Variants in FKBP14 observed in about 807,000 individuals in gnomAD.
FKBP14 encodes peptidyl-prolyl cis-trans isomerase FKBP14.
FKBP14 carries 20 observed loss-of-function variants against 21.6 expected under a neutral mutation model. That is an observed-to-expected ratio of 0.92 (90% CI 0.65 to 1.34). The LOEUF is 1.34. Among genes scored for constraint, FKBP14 ranks in the 40% most tolerant of loss-of-function variants. FKBP14 has a pLI of 0.00. For synonymous variants in FKBP14, 79 were observed against 86.7 expected (o/e 0.91, Z 0.49); for missense variants, 253 against 249.0 (o/e 1.02, Z -0.11).
intron 1 of FKBP14, 35 bp from the exon 2 acceptor site, chr7:30,022,851 T>C (rs1790073298): frequency 1.3e-6 from 2 of 1,577,604 alleles, no homozygotes; most frequent in Middle Eastern, 1.7e-4. Context: ...GAACTCCTTA[T>C]TAACTCTAAA....
At chr7:30,019,189 G>A in intron 2 of FKBP14, 66 bp from the exon 3 acceptor site, 2 of 1,484,180 alleles carry the variant, frequency 1.3e-6, no homozygotes, top group Non-Finnish European at 1.8e-6. Flanking sequence ...GAAAATTTAT[G>A]GTAATGGACA....
chr7:30,016,580 G>A (rs1007889027), intron 3 of FKBP14, among the ~76,000 whole-genome samples: 1 of 151,842 alleles, frequency 6.6e-6, no homozygotes, highest in Non-Finnish European at 1.5e-5. Context: ...TTTTAGTAGA[G>A]ACAGGGTTTC....
chr7:30,011,575 GTATATATATATATATAGTATA>G lies in FKBP14; in HGVS notation c.*3139_*3159del, dbSNP rs1417520648. The G allele has an allele frequency of 1.6e-5, 2 of 123,362 alleles. No individual in the cohort carries two copies. Among genetic ancestry groups the G allele is most frequent in the Non-Finnish European group, 3.3e-5 (2 of 60,844 alleles). The allele number at this position is 123,362 out of a possible 1,614,324, so 7.6% of individuals were successfully genotyped here. The stretch of plus-strand genomic sequence containing the variant: ...TATATATATATATACCATATATATG[GTATATATATATATATAGTATA>G]TATATATATATATATTTTTTTTTTT... On this transcript the variant is annotated 3_prime_UTR_variant, in exon 4 of 4. Coordinates refer to ENST00000222803, the MANE Select transcript of FKBP14 (RefSeq NM_017946.4).
rs893146592 is a variant in FKBP14, at chr7:30,012,297, G to T, written c.*2438C>A. 15 of 152,206 alleles carry T rather than the reference G, an allele frequency of 9.9e-5. No homozygotes were observed. Among genetic ancestry groups the T allele is most frequent in the Admixed American group, 9.8e-4 (15 of 15,288 alleles). The allele number at this position is 152,206 out of a possible 1,614,324, so 9.4% of individuals were successfully genotyped here. A position where few individuals can be genotyped will look rare whatever the true frequency, so the allele number is the denominator to read the frequency against. On this transcript the variant is annotated 3_prime_UTR_variant, in exon 4 of 4. Transcript: ENST00000222803. ...TACTTGTGTCCAAATGTTTAGATGA[G>T]AACTGATACAAATTCACAGGTTTTT...
Position 30,022,778 on chromosome 7 carries a change from A to C in FKBP14, c.236T>G (p.Leu79Arg). Reference sequence around the variant, plus strand: ...ACCTTTGAGAGCCTCCAGGATGCCCAGGGTAAACCAAATGGGCTGACCATT... The same window carrying C: ...ACCTTTGAGAGCCTCCAGGATGCCCCGGGTAAACCAAATGGGCTGACCATT... ...HNNGQPIWFT[L>R]GILEALKGWD... The change falls in exon 2 of 4, where the codon CTG (leucine) becomes CGG (arginine). Residue 79 changes from leucine (L) to arginine (R), a missense_variant. Leu to Arg is a moderately radical substitution (Grantham distance 102). Coordinates refer to ENST00000222803, the MANE Select transcript of FKBP14 (RefSeq NM_017946.4). 3 of 1,614,178 alleles carry C rather than the reference A, an allele frequency of 1.9e-6. No homozygotes were observed. In the South Asian group the frequency reaches 3.3e-5, roughly 18 times the overall value.
intron 3 of FKBP14, 73 bp from the exon 4 acceptor site, chr7:30,014,966 C>T: frequency 2.1e-6 from 2 of 961,954 alleles, no homozygotes; most frequent in Non-Finnish European, 3.0e-6. Flanking sequence ...ATATCACAGA[C>T]ATGGACTGTT....
At chr7:30,021,528 T>C (rs186746461) in intron 2 of FKBP14, among the ~76,000 whole-genome samples, 1 of 152,230 alleles carries the variant, frequency 6.6e-6, no homozygotes, top group African/African-American at 2.4e-5. Context: ...GAAGGAATTA[T>C]AGAATAAATG....
In FKBP14 at chr7:30,012,447, A is replaced by G. The variant is rs575477692; in HGVS notation, c.*2288T>C. The G allele has an allele frequency of 5.3e-4, 80 of 152,372 alleles. No individual in the cohort carries two copies. The highest frequency in any genetic ancestry group is 1.9e-3 in the African/African-American group (79 of 41,594). The allele number at this position is 152,372 out of a possible 1,614,324, so 9.4% of individuals were successfully genotyped here. A position where few individuals can be genotyped will look rare whatever the true frequency, so the allele number is the denominator to read the frequency against. ...ACTTTCCCTTCTCCCATCATAGAGT[A>G]TAAGGCTGTCTGTATTATGGCTTAA... On this transcript the variant is annotated 3_prime_UTR_variant, in exon 4 of 4. Coordinates refer to ENST00000222803, the MANE Select transcript of FKBP14 (RefSeq NM_017946.4).
downstream of FKBP14, among the ~76,000 whole-genome samples, chr7:30,007,591 G>A (rs188592286): frequency 6.6e-6 from 1 of 152,270 alleles, no homozygotes; most frequent in East Asian, 1.9e-4. Flanking sequence ...GGCACAATTA[G>A]TTGCCCCAAT....
chr7:30,021,116 T>TC (rs1297473043), intron 2 of FKBP14, among the ~76,000 whole-genome samples: 1 of 152,228 alleles, frequency 6.6e-6, no homozygotes, highest in Non-Finnish European at 1.5e-5. Flanking sequence ...AACTTTTTTT[T>TC]CTTCATTATG....
rs542744202 is a variant in FKBP14 at position 30,011,608 on chromosome 7, A to G, written c.*3127T>C. 3 of 134,260 alleles carry G rather than the reference A, an allele frequency of 2.2e-5. No individual in the cohort carries two copies. The highest frequency in any genetic ancestry group is 4.7e-5 in the Non-Finnish European group (3 of 63,622). 8.3% of individuals were successfully genotyped at this position (134,260 alleles called of 1,614,324 possible). The stretch of plus-strand genomic sequence containing the variant: ...ATATATATAGTATATATATATATAT[A>G]TATTTTTTTTTTTAGATGGGGAGTC... On this transcript the variant is annotated 3_prime_UTR_variant, in exon 4 of 4. Coordinates refer to ENST00000222803, the MANE Select transcript of FKBP14 (RefSeq NM_017946.4).
rs1209830942 is a variant in FKBP14, at chr7:30,014,581, A to C, written c.*154T>G. The C allele has an allele frequency of 9.0e-6, 4 of 446,324 alleles. No individual in the cohort carries two copies. The highest frequency in any genetic ancestry group is 4.4e-5 in the Admixed American group (1 of 22,698). The allele number at this position is 446,324 out of a possible 1,614,324, so 27.6% of individuals were successfully genotyped here. The stretch of plus-strand genomic sequence containing the variant: ...ACTTATCAGAAAGAAATGGGTACTT[A>C]GAAACCTAAGGGGTTCTTTAAATAG... On this transcript the variant is annotated 3_prime_UTR_variant, in exon 4 of 4. Transcript: ENST00000222803.
In FKBP14 at chr7:30,012,258, A is replaced by T. The variant is rs1335309482; in HGVS notation, c.*2477T>A. ...AACTTAAAAACCATAACTTGTGCATATGTTTTCATTTTATACTTGTGTCCA... is the reference window on the plus strand; with the variant it reads ...AACTTAAAAACCATAACTTGTGCATTTGTTTTCATTTTATACTTGTGTCCA... On this transcript the variant is annotated 3_prime_UTR_variant, in exon 4 of 4. Coordinates refer to ENST00000222803, the MANE Select transcript of FKBP14 (RefSeq NM_017946.4). 2 of 152,250 alleles carry T rather than the reference A, an allele frequency of 1.3e-5. No individual in the cohort carries two copies. Among genetic ancestry groups the T allele is most frequent in the Non-Finnish European group, 2.9e-5 (2 of 68,034 alleles). The allele number at this position is 152,250 out of a possible 1,614,324, so 9.4% of individuals were successfully genotyped here. A position where few individuals can be genotyped will look rare whatever the true frequency, so the allele number is the denominator to read the frequency against.
At chr7:30,025,771 A>C (rs1044762430) in intron 1 of FKBP14, 3 of 152,296 alleles carry the variant, frequency 2.0e-5, no homozygotes, top group African/African-American at 7.2e-5. Context: ...GAAGCAAATG[A>C]CTGAAATCAT....
chr7:30,026,459 A>G lies in FKBP14; in HGVS notation c.50T>C (p.Leu17Ser), dbSNP rs1554371125. 1.9e-6 allele frequency: 3 copies of G among 1,613,306 alleles called. No individual in the cohort carries two copies. The highest frequency in any genetic ancestry group is 1.7e-6 in the Non-Finnish European group (2 of 1,179,928). ...TGGTTCAGGGATCAAAGCCCCAATC[A>G]AAGAAGTGACGAACAGAGTCAAGAC... ...NAVLTLFVTS[L>S]IGALIPEPEV... is the part of the protein sequence containing the mutation. The change falls in exon 1 of 4, where the codon TTG becomes TCG. Residue 17 changes from leucine to serine, a missense_variant. Coordinates refer to ENST00000222803, the MANE Select transcript of FKBP14 (RefSeq NM_017946.4).
chr7:30,022,795 C>T lies in FKBP14; in HGVS notation c.219G>A (p.Gln73=), dbSNP rs756538063. 1 of 1,613,828 alleles carries T rather than the reference C, an allele frequency of 6.2e-7. No homozygotes were observed. The highest frequency in any genetic ancestry group is 8.5e-7 in the Non-Finnish European group (1 of 1,179,926). Residue 73 remains glutamine, a synonymous_variant, in exon 2 of 4, where the codon CAG becomes CAA. Transcript: ENST00000222803. ...GGATGCCCAGGGTAAACCAAATGGG[C>T]TGACCATTGTTATGTTTGTGACTAT... ...FHSTHKHNNG[Q]PIWFTLGILE... is the part of the protein sequence containing the mutation.
chr7:30,019,069 C>T lies in FKBP14; in HGVS notation c.404G>A (p.Arg135Gln), dbSNP rs747727076. The change falls in exon 3 of 4, where the codon CGA (arginine) becomes CAA (glutamine). Residue 135 changes from arginine (R) to glutamine (Q), a missense_variant. Physicochemically the swap from Arg to Gln is conservative, Grantham distance 43 (BLOSUM62 1). Transcript: ENST00000222803. ...TGATTCATGGGATCTTGGTCCATTT[C>T]GAATCTCCAGGAGATCAATATTAAA... ...LIFNIDLLEI[R>Q]NGPRSHESFQ... The T allele has an allele frequency of 1.1e-5, 18 of 1,595,650 alleles. No individual in the cohort carries two copies. Among genetic ancestry groups the T allele is most frequent in the South Asian group, 2.3e-5 (2 of 87,250 alleles).
At chr7:30,021,793 G>A (rs1474382749) in intron 2 of FKBP14, among the ~76,000 whole-genome samples, 1 of 152,176 alleles carries the variant, frequency 6.6e-6, no homozygotes, top group Non-Finnish European at 1.5e-5. Context: ...GACCTCAAGT[G>A]ATCCACCCTC....
chr7:30,013,906 C>G lies in FKBP14; in HGVS notation c.*829G>C, dbSNP rs1789811642. 2.0e-5 allele frequency: 3 copies of G among 152,070 alleles called. No individual in the cohort carries two copies. The highest frequency in any genetic ancestry group is 6.6e-5 in the Admixed American group (1 of 15,256). The allele number at this position is 152,070 out of a possible 1,614,324, so 9.4% of individuals were successfully genotyped here. On this transcript the variant is annotated 3_prime_UTR_variant, in exon 4 of 4. Coordinates refer to ENST00000222803, the MANE Select transcript of FKBP14 (RefSeq NM_017946.4). Reference sequence around the variant, plus strand: ...CGTGTTTCTTTTCTTTTTTTCGAGACAGAGTGTCCAGGCTGGAGGTGATCT... The same window carrying G: ...CGTGTTTCTTTTCTTTTTTTCGAGAGAGAGTGTCCAGGCTGGAGGTGATCT...
Sources: allele counts gnomAD v4.1 joint callset (sites outside exome capture counted in the v4.1 genomes callset), GRCh38; gene constraint gnomAD v4.1.1; transcripts MANE v1.5; gene names NCBI Gene and HGNC (gene_info 2026-07-23, HGNC 2026-07-21).